Variants in PCLO observed in about 807,000 individuals in gnomAD.
The protein encoded by PCLO is protein piccolo.
A neutral mutation model predicts 427.5 loss-of-function variants in PCLO; 82 were observed. The observed-to-expected ratio is 0.19, with a 90% CI of 0.16 to 0.23. PCLO has a LOEUF of 0.23. PCLO is among the 10% of genes least tolerant of loss of function. The pLI is 1.00. For missense variants in PCLO, 6,239 were observed against 6,115.9 expected (o/e 1.02, Z -0.67); for synonymous variants, 2,357 against 2,155.4 (o/e 1.09, Z -2.59).
rs896931571 is a variant in PCLO at position 82,757,478 on chromosome 7, A to G, written c.*1097T>C. The G allele has an allele frequency of 6.6e-6, 1 of 152,030 alleles. No individual in the cohort carries two copies. The highest frequency in any genetic ancestry group is 1.5e-5 in the Non-Finnish European group (1 of 67,940). The allele number at this position is 152,030 out of a possible 1,614,324, so 9.4% of individuals were successfully genotyped here. A position where few individuals can be genotyped will look rare whatever the true frequency, so the allele number is the denominator to read the frequency against. ...AGTGTCATGTTTTCATGATACAATC[A>G]GTAAATGAATTAAGTCATTAAGGAA... On this transcript the variant is annotated 3_prime_UTR_variant, in exon 25 of 25. Transcript: ENST00000333891.
In PCLO at chr7:82,952,239, G is replaced by A; in HGVS notation, c.8714C>T (p.Ser2905Phe). ...GEVVDLSTTKSHRTVVTMDES... is the reference protein window; with the variant it reads ...GEVVDLSTTKFHRTVVTMDES... ...ATCCATTGTTACGACTGTTCTGTGA[G>A]ACTTGGTTGTACTGAGATCCACTAC... Residue 2905 changes from serine to phenylalanine, a missense_variant, in exon 5 of 25, where the codon TCT (serine) becomes TTT (phenylalanine). Physicochemically the swap from Ser to Phe is radical, Grantham distance 155. Coordinates refer to ENST00000333891, the MANE Select transcript of PCLO (RefSeq NM_033026.6). 6.2e-7 allele frequency: 1 copy of A among 1,613,828 alleles called. No individual in the cohort carries two copies. The highest frequency in any genetic ancestry group is 8.5e-7 in the Non-Finnish European group (1 of 1,179,808).
At chr7:83,128,053 A>G (rs1368626042) in intron 3 of PCLO, among the ~76,000 whole-genome samples, 1 of 152,134 alleles carries the variant, frequency 6.6e-6, no homozygotes, top group Non-Finnish European at 1.5e-5. Flanking sequence ...TAACAACAAT[A>G]TTTGAGGAAC....
intron 4 of PCLO, among the ~76,000 whole-genome samples, chr7:82,964,158 G>C (rs1401084819): frequency 6.7e-6 from 1 of 149,694 alleles, no homozygotes; most frequent in African/African-American, 2.6e-5. Context: ...CATGAAAGCA[G>C]TAAGTAAGGT....
chr7:82,781,311 CCAA>C (rs905348609), intron 22 of PCLO, among the ~76,000 whole-genome samples: 6 of 151,504 alleles, frequency 4.0e-5, no homozygotes, highest in East Asian at 1.9e-4. Context: ...CTAAAAATAA[CCAA>C]CAACCCCCTC....
rs1239716482 is a variant in PCLO, at chr7:82,754,447, A to T, written c.*4128T>A. 1 of 152,138 alleles carries T rather than the reference A, an allele frequency of 6.6e-6. No individual in the cohort carries two copies. Among genetic ancestry groups the T allele is most frequent in the Non-Finnish European group, 1.5e-5 (1 of 67,970 alleles). 9.4% of individuals were successfully genotyped at this position (152,138 alleles called of 1,614,324 possible). A position where few individuals can be genotyped will look rare whatever the true frequency, so the allele number is the denominator to read the frequency against. ...ATGTGTTTTTAGGATATTAGCACAC[A>T]CATTAATCAGTAGTGGGAGCACCTG... is the stretch of plus-strand genomic sequence containing the variant. On this transcript the variant is annotated 3_prime_UTR_variant, in exon 25 of 25. Transcript: ENST00000333891.
In PCLO at chr7:82,827,575, A is replaced by C. The variant is rs1281472570; in HGVS notation, c.14343+298T>G. The stretch of plus-strand genomic sequence containing the variant: ...TGTGTTTCTCTCTCAAATATGATAA[A>C]TGTGGCTTAGTCTATTAAAAATTTT... On this transcript the variant is annotated intron_variant, in intron 17 of 24. Coordinates refer to ENST00000333891, the MANE Select transcript of PCLO (RefSeq NM_033026.6). Among the ~76,000 whole-genome samples, 12 of 152,188 alleles carry C rather than the reference A, an allele frequency of 7.9e-5. No homozygotes were observed. The East Asian group carries it at 2.1e-3, about 27-fold the overall frequency.
At position 82,950,830 on chromosome 7, in the gene PCLO, A is replaced by G. The variant is rs1446772495; in HGVS notation, c.9758T>C (p.Val3253Ala). 5.6e-6 allele frequency: 9 copies of G among 1,613,414 alleles called. No individual in the cohort carries two copies. Among genetic ancestry groups the G allele is most frequent in the African/African-American group, 1.3e-5 (1 of 74,852 alleles). Residue 3253 changes from valine (V) to alanine (A), a missense_variant, in exon 6 of 25, where the codon GTT becomes GCT. Transcript: ENST00000333891. ...CTGCAGCTCCTCCAACTTTTTCTGA[A>G]CCATGATCTTTTCTTGTTCTCGGAA... ...QRFREQEKIM[V>A]QKKLEELQSM...
chr7:82,853,423 A>C (rs1394711968), intron 10 of PCLO, among the ~76,000 whole-genome samples: 1 of 152,098 alleles, frequency 6.6e-6, no homozygotes, highest in Non-Finnish European at 1.5e-5. Context: ...TAAGGGCATA[A>C]GAACAATTGC....
At chr7:82,972,427 T>C (rs1227050825) in intron 3 of PCLO, among the ~76,000 whole-genome samples, 2 of 152,134 alleles carry the variant, frequency 1.3e-5, no homozygotes, top group Admixed American at 6.5e-5. Flanking sequence ...CTATTTATTT[T>C]TCTAAGGATC....
At chr7:83,088,722 C>T (rs897790456) in intron 3 of PCLO, among the ~76,000 whole-genome samples, 5 of 152,234 alleles carry the variant, frequency 3.3e-5, no homozygotes, top group Admixed American at 6.5e-5. Flanking sequence ...CAGCCCCTGC[C>T]TCATGAATAC....
intron 3 of PCLO, among the ~76,000 whole-genome samples, chr7:83,011,289 T>A (rs773983687): frequency 2.0e-5 from 3 of 151,820 alleles, no homozygotes; most frequent in Non-Finnish European, 4.4e-5. Context: ...GTGAACTAGC[T>A]AAATTTTATA....
intron 3 of PCLO, among the ~76,000 whole-genome samples, chr7:83,106,828 A>ATTATAT (rs1790869566): frequency 6.6e-6 from 1 of 152,192 alleles, no homozygotes; most frequent in Non-Finnish European, 1.5e-5. Flanking sequence ...AATATAAGGT[A>ATTATAT]TAAACACCCT....
intron 3 of PCLO, among the ~76,000 whole-genome samples, chr7:83,119,472 C>G (rs1791219644): frequency 6.6e-6 from 1 of 151,952 alleles, no homozygotes; most frequent in Non-Finnish European, 1.5e-5. Flanking sequence ...TTGGGGTGAT[C>G]TCTAGTGCAG....
chr7:82,845,970 A>T (rs1436766189), intron 12 of PCLO, among the ~76,000 whole-genome samples: 1 of 151,504 alleles, frequency 6.6e-6, no homozygotes, highest in African/African-American at 2.4e-5. Flanking sequence ...GACTACTAGA[A>T]TTGTGGCTGT....
At chr7:82,871,720 A>T (rs2115992631) in intron 10 of PCLO, among the ~76,000 whole-genome samples, 1 of 152,084 alleles carries the variant, frequency 6.6e-6, no homozygotes, top group East Asian at 1.9e-4. Flanking sequence ...TACTCTATAA[A>T]TATGTACAAC....
At position 83,155,243 on chromosome 7, in the gene PCLO, T is replaced by C; in HGVS notation, c.1398A>G (p.Pro466=). The change falls in exon 2 of 25, where the codon CCA becomes CCG. Residue 466 remains proline, a synonymous_variant. Transcript: ENST00000333891. ...PGKTSAQQTG[P]TKPPSQLPGP... The stretch of plus-strand genomic sequence containing the variant: ...CAGGCAGTTGTGAAGGAGGCTTTGT[T>C]GGGCCAGTCTGCTGGGCAGAAGTCT... 1 of 1,613,676 alleles carries C rather than the reference T, an allele frequency of 6.2e-7. No homozygotes were observed. The highest frequency in any genetic ancestry group is 8.5e-7 in the Non-Finnish European group (1 of 1,179,826).
chr7:83,135,712 G>GT, intron 2 of PCLO, 56 bp from the exon 3 acceptor site: 1 of 1,189,458 alleles, frequency 8.4e-7, no homozygotes, highest in South Asian at 1.6e-5. Flanking sequence ...ACACAAAAAT[G>GT]TTTTCAAAAC....
chr7:82,908,527 T>C (rs1404117971), intron 8 of PCLO, among the ~76,000 whole-genome samples: 6 of 152,246 alleles, frequency 3.9e-5, no homozygotes, highest in African/African-American at 1.2e-4. Context: ...CATGTTGTTA[T>C]TGGAAAGCAC....
At chr7:82,834,468 T>C (rs1290298632) in intron 16 of PCLO, among the ~76,000 whole-genome samples, 2 of 152,166 alleles carry the variant, frequency 1.3e-5, no homozygotes, top group Non-Finnish European at 2.9e-5. Context: ...GTTTGAAATA[T>C]TTACGTATTT....
Sources: gnomAD v4.1 joint callset for allele counts (sites outside exome capture counted in the v4.1 genomes callset) on GRCh38, gnomAD v4.1.1 for gene constraint, MANE v1.5 for transcripts, NCBI Gene and HGNC (gene_info 2026-07-23, HGNC 2026-07-21) for gene names.